HLCS: variants seen among roughly 807,000 people sequenced by gnomAD.
HLCS encodes holocarboxylase synthetase.
A neutral mutation model predicts 75.0 loss-of-function variants in HLCS; 53 were observed. That is an observed-to-expected ratio of 0.71 (90% CI 0.57 to 0.89). The LOEUF is 0.89. HLCS is among the 40% of genes least tolerant of loss of function. The pLI, the probability that HLCS is intolerant of heterozygous loss-of-function variation, is 0.00. For missense variants in HLCS, 966 were observed against 1,074.0 expected, an observed-to-expected ratio of 0.90 and a Z score of 1.41; for synonymous variants, 431 against 428.6, an observed-to-expected ratio of 1.01 and a Z score of -0.07.
chr21:36,952,722 C>T (rs764511608), intron 2 of HLCS, among the ~76,000 whole-genome samples: 6 of 138,456 alleles, frequency 4.3e-5, no homozygotes, highest in African/African-American at 1.1e-4. Flanking sequence ...ACCAGGAAGT[C>T]GGAGGTTGCA....
intron 5 of HLCS, among the ~76,000 whole-genome samples, chr21:36,912,519 T>G (rs1414642286): frequency 6.6e-6 from 1 of 152,192 alleles, no homozygotes; most frequent in Non-Finnish European, 1.5e-5. Context: ...TTATTCACTG[T>G]TACAGAGTTT....
At chr21:36,952,294 A>C (rs907029573) in intron 2 of HLCS, among the ~76,000 whole-genome samples, 4 of 152,172 alleles carry the variant, frequency 2.6e-5, no homozygotes, top group African/African-American at 9.6e-5. Context: ...GAGCTATGAG[A>C]TCAATCCCTT....
chr21:36,842,313 G>A lies in HLCS; in HGVS notation c.1892+54547C>T, dbSNP rs112519105. On this transcript the variant is annotated intron_variant, in intron 6 of 10. Coordinates refer to ENST00000674895, the MANE Select transcript of HLCS (RefSeq NM_001352514.2). The surrounding 1 kb of genome is among the most constrained non-coding windows in gnomAD (Gnocchi z 4.2). ...GATGCAGATGGGAAGGGACCTGAAG[G>A]TGCCTCTGACTGCTGGAACCCATTT... 2.1e-3 allele frequency among the ~76,000 whole-genome samples: 326 copies of A among 152,308 alleles called. 1 individual carries two copies. Among genetic ancestry groups the A allele is most frequent in the African/African-American group, 6.6e-3 (276 of 41,554 alleles).
rs530297746 is a variant in HLCS at position 36,767,495 on chromosome 21, A to C, written c.1893-210T>G. ...GGTCGTGAGAATGAAAGAGATGAAG[A>C]AAGCACCTTTTAACATCAAAAAAAG... is the stretch of plus-strand genomic sequence containing the variant. On this transcript the variant is annotated intron_variant, in intron 6 of 10. Coordinates refer to ENST00000674895, the MANE Select transcript of HLCS (RefSeq NM_001352514.2). Among the ~76,000 whole-genome samples, 26 of 152,306 alleles carry C rather than the reference A, an allele frequency of 1.7e-4. No individual in the cohort carries two copies. The Middle Eastern group carries it at 0.014, about 80-fold the overall frequency.
At chr21:36,898,446 C>CAAAAAAAAAAAAAAAAAAAA (rs58625493) in intron 5 of HLCS, among the ~76,000 whole-genome samples, 2 of 49,536 alleles carry the variant, frequency 4.0e-5, no homozygotes, top group Admixed American at 2.6e-4. Flanking sequence ...AACTCCATCT[C>CAAAAAAAAAAAAAAAAAAAA]AAAAAAAAAA....
intron 8 of HLCS, among the ~76,000 whole-genome samples, chr21:36,762,188 T>C (rs565221705): frequency 6.6e-6 from 1 of 152,308 alleles, no homozygotes; most frequent in South Asian, 2.1e-4. Context: ...CACACATCAC[T>C]CCTCTTCAAA....
At chr21:36,832,188 A>G (rs543687337) in intron 6 of HLCS, among the ~76,000 whole-genome samples, 1 of 152,308 alleles carries the variant, frequency 6.6e-6, no homozygotes, top group Non-Finnish European at 1.5e-5. Flanking sequence ...TTACTGGGCA[A>G]GTGTCCTCTG....
rs765637985 is a variant in HLCS, at chr21:36,962,176, T to C, written c.196-6A>G. ...TTGTTCAAGTCTTCAATGGACTGTATAGAGGGAAAGAAATATAATGAGATT... is the reference window on the plus strand; with the variant it reads ...TTGTTCAAGTCTTCAATGGACTGTACAGAGGGAAAGAAATATAATGAGATT... On this transcript the variant is annotated splice_polypyrimidine_tract_variant and splice_region_variant and intron_variant, in intron 1 of 10. Transcript: ENST00000674895. The C allele has an allele frequency of 3.1e-6, 4 of 1,285,378 alleles. No homozygotes were observed. Among genetic ancestry groups the C allele is most frequent in the Non-Finnish European group, 4.1e-6 (4 of 986,330 alleles). The allele number at this position is 1,285,378 out of a possible 1,614,324, so 79.6% of individuals were successfully genotyped here. A position where few individuals can be genotyped will look rare whatever the true frequency, so the allele number is the denominator to read the frequency against.
At chr21:36,922,391 GA>G (rs1182624820) in intron 5 of HLCS, among the ~76,000 whole-genome samples, 7 of 152,106 alleles carry the variant, frequency 4.6e-5, no homozygotes, top group Admixed American at 3.9e-4. Context: ...TTTTAAGAAA[GA>G]AAAGACCCAC....
At position 36,792,779 on chromosome 21, in the gene HLCS, C is replaced by T. The variant is rs185016715; in HGVS notation, c.1893-25494G>A. The stretch of plus-strand genomic sequence containing the variant: ...CCAGAACCACAGAGCTGTTACAACA[C>T]GTGGTGCCTCCTGAGCCAGCAGCCA... On this transcript the variant is annotated intron_variant, in intron 6 of 10. Transcript: ENST00000674895. 3.0e-4 allele frequency among the ~76,000 whole-genome samples: 46 copies of T among 152,274 alleles called. No homozygotes were observed. The East Asian group carries it at 6.0e-3, about 20-fold the overall frequency.
intron 6 of HLCS, among the ~76,000 whole-genome samples, chr21:36,778,171 A>G (rs138957356): frequency 0.027 from 4,177 of 151,998 alleles, 71 homozygotes; most frequent in African/African-American, 0.045. Flanking sequence ...GGGTTTCACC[A>G]TGTTAGCCAG....
At chr21:36,966,302 C>G (rs905362639) in intron 1 of HLCS, 142 bp downstream of exon 1, 4 of 248,902 alleles carry the variant, frequency 1.6e-5, no homozygotes, top group African/African-American at 9.2e-5. Context: ...GGGGCAACAG[C>G]CCCTCCCGGG....
exon 1 of HLCS, chr21:36,966,668 TTGCCCGCCCGCCCCAG>T (rs1056783795): frequency 1.8e-5 from 17 of 963,232 alleles, no homozygotes; most frequent in Non-Finnish European, 2.1e-5. Flanking sequence ...CGAGCCCGCC[TTGCCCGCCCGCCCCAG>T]CGCCCCAGGC....
chr21:36,802,471 G>A (rs1040068481), intron 6 of HLCS, among the ~76,000 whole-genome samples: 3 of 152,274 alleles, frequency 2.0e-5, no homozygotes, highest in Middle Eastern at 3.4e-3. Flanking sequence ...ATGTTTACAC[G>A]GCACTTTTCA....
intron 5 of HLCS, among the ~76,000 whole-genome samples, chr21:36,920,804 A>G (rs2066131641): frequency 6.6e-6 from 1 of 152,204 alleles, no homozygotes; most frequent in South Asian, 2.1e-4. Context: ...TTGACCTTTA[A>G]AGCATTTTAT....
Position 36,753,908 on chromosome 21 carries a change from C to T in HLCS, c.*338G>A. On this transcript the variant is annotated 3_prime_UTR_variant, in exon 11 of 11. Transcript: ENST00000674895. The surrounding 1 kb of genome is among the most constrained non-coding windows in gnomAD (Gnocchi z 4.3). ...CATAGACTAGGGGTAAAGGTCTGCACTACTAAGAAAATATCTGAATTTTCC... is the reference window on the plus strand; with the variant it reads ...CATAGACTAGGGGTAAAGGTCTGCATTACTAAGAAAATATCTGAATTTTCC... The T allele has an allele frequency of 2.5e-6, 1 of 395,356 alleles. No homozygotes were observed. The highest frequency in any genetic ancestry group is 2.2e-5 in the South Asian group (1 of 45,224). 24.5% of individuals were successfully genotyped at this position (395,356 alleles called of 1,614,324 possible).
intron 6 of HLCS, among the ~76,000 whole-genome samples, chr21:36,793,295 C>T (rs79255408): frequency 6.4e-4 from 74 of 116,240 alleles, no homozygotes; most frequent in East Asian, 1.0e-3. Context: ...AGGAAGCAGT[C>T]TTTTTTTTTT....
chr21:36,760,144 T>C (rs111798719), intron 8 of HLCS, among the ~76,000 whole-genome samples: 68 of 152,336 alleles, frequency 4.5e-4, no homozygotes, highest in African/African-American at 1.5e-3. Flanking sequence ...AAGTTCATTA[T>C]GTCAGTATCC....
At chr21:36,778,516 C>T (rs566993249) in intron 6 of HLCS, among the ~76,000 whole-genome samples, 127 of 149,366 alleles carry the variant, frequency 8.5e-4, no homozygotes, top group African/African-American at 2.9e-3. Context: ...CGACCTCAGG[C>T]GATTCACCCG....
Sources: allele counts gnomAD v4.1 joint callset (sites outside exome capture counted in the v4.1 genomes callset), GRCh38; gene constraint gnomAD v4.1.1; non-coding constraint Gnocchi (gnomAD v3.1); transcripts MANE v1.5; gene names NCBI Gene and HGNC (gene_info 2026-07-23, HGNC 2026-07-21).